WIF1: variants seen among roughly 807,000 people sequenced by gnomAD.
The protein encoded by WIF1 is Wnt inhibitory factor 1.
In WIF1, 35 loss-of-function variants were observed where a neutral mutation model predicts 53.5. The observed-to-expected ratio is 0.65, with a 90% confidence interval of 0.50 to 0.87. WIF1 has a LOEUF of 0.87. Ranked by LOEUF, WIF1 falls within the 40% of genes least tolerant of loss-of-function variation. The pLI, the probability that WIF1 is intolerant of heterozygous loss-of-function variation, is 0.00. For missense variants in WIF1, 467 were observed against 476.8 expected (o/e 0.98, Z 0.19); for synonymous variants, 171 against 170.4 (o/e 1.00, Z -0.03).
At chr12:65,076,194 C>T (rs1013126528) in intron 3 of WIF1, among the ~76,000 whole-genome samples, 1 of 152,010 alleles carries the variant, frequency 6.6e-6, no homozygotes, top group African/African-American at 2.4e-5. Context: ...TGTGCCATCA[C>T]ACCTGGCTAA....
At chr12:65,109,284 C>T (rs1353985141) in intron 2 of WIF1, among the ~76,000 whole-genome samples, 1 of 152,184 alleles carries the variant, frequency 6.6e-6, no homozygotes, top group Non-Finnish European at 1.5e-5. Flanking sequence ...TAAGTAATTG[C>T]AAATTTACCT....
chr12:65,059,478 TGGG>T (rs1882578579), intron 7 of WIF1, among the ~76,000 whole-genome samples: 1 of 152,182 alleles, frequency 6.6e-6, no homozygotes, highest in African/African-American at 2.4e-5. Context: ...ATAAATAATT[TGGG>T]TAGTCTTTTT....
intron 7 of WIF1, among the ~76,000 whole-genome samples, chr12:65,061,237 A>G (rs575408346): frequency 5.3e-5 from 8 of 152,324 alleles, no homozygotes; most frequent in African/African-American, 1.9e-4. Context: ...AAGTACAAAA[A>G]CCCACAAATA....
At chr12:65,088,148 G>A (rs1883067730) in intron 2 of WIF1, among the ~76,000 whole-genome samples, 1 of 152,024 alleles carries the variant, frequency 6.6e-6, no homozygotes, top group Non-Finnish European at 1.5e-5. Flanking sequence ...AAATCTATAT[G>A]GCCAACTTCA....
At chr12:65,090,735 T>C (rs1325612474) in intron 2 of WIF1, among the ~76,000 whole-genome samples, 1 of 152,188 alleles carries the variant, frequency 6.6e-6, no homozygotes, top group African/African-American at 2.4e-5. Context: ...GTGTCTACTT[T>C]GCAGTGCTGT....
rs529978773 is a variant in WIF1, at chr12:65,057,263, A to T, written c.827-1137T>A. ...ACAAAAGGTGCCCAATATCACAACA[A>T]TGCATTTTCCTGGAATGCCCTAGGT... On this transcript the variant is annotated intron_variant, in intron 7 of 9. Coordinates refer to ENST00000286574, the MANE Select transcript of WIF1 (RefSeq NM_007191.5). Among the ~76,000 whole-genome samples the T allele has an allele frequency of 2.0e-5, 3 of 152,344 alleles. No homozygotes were observed. In the South Asian group the frequency reaches 6.2e-4, roughly 32 times the overall value.
intron 2 of WIF1, among the ~76,000 whole-genome samples, chr12:65,115,061 T>C (rs550992826): frequency 6.6e-6 from 1 of 151,154 alleles, no homozygotes; most frequent in South Asian, 2.1e-4. Flanking sequence ...TTCTATTCCA[T>C]AGACACCAAT....
At chr12:65,065,686 A>G (rs917153354) in intron 6 of WIF1, among the ~76,000 whole-genome samples, 1 of 152,122 alleles carries the variant, frequency 6.6e-6, no homozygotes, top group Non-Finnish European at 1.5e-5. Flanking sequence ...ATCTTAACTC[A>G]TATGTTTATT....
At chr12:65,103,200 C>T (rs998691756) in intron 2 of WIF1, among the ~76,000 whole-genome samples, 1 of 152,142 alleles carries the variant, frequency 6.6e-6, no homozygotes, top group Non-Finnish European at 1.5e-5. Context: ...TGGCTAAAGG[C>T]CACTTACTGT....
chr12:65,055,595 C>A (rs1252418457), intron 8 of WIF1, among the ~76,000 whole-genome samples: 1 of 151,986 alleles, frequency 6.6e-6, no homozygotes, highest in Non-Finnish European at 1.5e-5. Context: ...GGTGGTGAAA[C>A]TCCATCTCTA....
chr12:65,109,810 C>T (rs1883403183), intron 2 of WIF1, among the ~76,000 whole-genome samples: 1 of 152,224 alleles, frequency 6.6e-6, no homozygotes, highest in Admixed American at 6.5e-5. Flanking sequence ...ATAAGAAATG[C>T]CTGTCTCAGG....
At chr12:65,084,707 T>C (rs1487524862) in intron 2 of WIF1, among the ~76,000 whole-genome samples, 1 of 152,212 alleles carries the variant, frequency 6.6e-6, no homozygotes, top group Non-Finnish European at 1.5e-5. Context: ...AATAAGTGAA[T>C]GAATGACCTA....
At chr12:65,091,501 A>G (rs1002812251) in intron 2 of WIF1, among the ~76,000 whole-genome samples, 6 of 151,720 alleles carry the variant, frequency 4.0e-5, no homozygotes, top group African/African-American at 1.5e-4. Flanking sequence ...CTTAGCTAAT[A>G]AGAGTATCTG....
intron 7 of WIF1, among the ~76,000 whole-genome samples, chr12:65,057,263 A>G (rs529978773): frequency 6.6e-6 from 1 of 152,226 alleles, no homozygotes; most frequent in Non-Finnish European, 1.5e-5. Context: ...TATCACAACA[A>G]TGCATTTTCC....
At chr12:65,062,673 T>C in intron 6 of WIF1, 97 bp from the exon 7 acceptor site, 1 of 1,066,414 alleles carries the variant, frequency 9.4e-7, no homozygotes, top group Non-Finnish European at 1.4e-6. Context: ...GGCATCTGCT[T>C]GCTACTTGCC....
intron 3 of WIF1, among the ~76,000 whole-genome samples, chr12:65,075,378 T>G (rs1592392602): frequency 6.6e-6 from 1 of 152,226 alleles, no homozygotes; most frequent in Non-Finnish European, 1.5e-5. Flanking sequence ...TTACTTGACA[T>G]CTGACAAAAT....
intron 3 of WIF1, among the ~76,000 whole-genome samples, chr12:65,072,071 T>C (rs1882781982): frequency 6.6e-6 from 1 of 152,176 alleles, no homozygotes; most frequent in Admixed American, 6.6e-5. Flanking sequence ...ATAATATTTA[T>C]AATTAAACAC....
chr12:65,115,939 ATAAG>A (rs1565762259), intron 2 of WIF1, among the ~76,000 whole-genome samples: 1 of 152,234 alleles, frequency 6.6e-6, no homozygotes, highest in African/African-American at 2.4e-5. Context: ...TTGTTGAGTG[ATAAG>A]TAGTGTAAAA....
chr12:65,093,517 G>T (rs573259181), intron 2 of WIF1, among the ~76,000 whole-genome samples: 22 of 152,118 alleles, frequency 1.4e-4, no homozygotes, highest in African/African-American at 5.3e-4. Context: ...TTGAGTACTT[G>T]TAATTCCTGT....
Sources: allele counts gnomAD v4.1 joint callset (sites outside exome capture counted in the v4.1 genomes callset), GRCh38; gene constraint gnomAD v4.1.1; transcripts MANE v1.5; gene names NCBI Gene and HGNC (gene_info 2026-07-23, HGNC 2026-07-21).